Variants in SPOCK3 observed in about 807,000 individuals in gnomAD.
SPOCK3 encodes SPARC (osteonectin), cwcv and kazal like domains proteoglycan 3.
Under a neutral mutation model 56.6 loss-of-function variants are expected in SPOCK3, and 30 were observed. That is an observed-to-expected ratio of 0.53 (90% CI 0.40 to 0.72). The LOEUF (loss-of-function observed/expected upper bound fraction) is 0.72, where lower values mean the gene tolerates loss of function less well. Among genes scored for constraint, SPOCK3 ranks in the 30% least tolerant of loss-of-function variants. The pLI, the probability that SPOCK3 is intolerant of heterozygous loss-of-function variation, is 0.00. For synonymous variants in SPOCK3, 196 were observed against 183.3 expected, an observed-to-expected ratio of 1.07 and a Z score of -0.56; for missense variants, 527 against 530.0, an observed-to-expected ratio of 0.99 and a Z score of 0.06.
intron 8 of SPOCK3, among the ~76,000 whole-genome samples, chr4:166,744,880 G>A (rs1735369608): frequency 1.3e-5 from 2 of 151,934 alleles, no homozygotes; most frequent in South Asian, 2.1e-4. Flanking sequence ...TGGAAGAAAG[G>A]GTATCAGTGA....
intron 6 of SPOCK3, among the ~76,000 whole-genome samples, chr4:166,851,968 TA>T (rs1252027665): frequency 6.6e-6 from 1 of 151,544 alleles, no homozygotes; most frequent in Non-Finnish European, 1.5e-5. Context: ...TATGCAGCCA[TA>T]AAAAATGATG....
At chr4:166,782,812 A>G (rs1740319719) in intron 7 of SPOCK3, among the ~76,000 whole-genome samples, 1 of 152,202 alleles carries the variant, frequency 6.6e-6, no homozygotes, top group Admixed American at 6.5e-5. Flanking sequence ...TTTAAGTGCA[A>G]AAAATATATA....
intron 6 of SPOCK3, among the ~76,000 whole-genome samples, chr4:166,803,399 G>A (rs1742826369): frequency 1.3e-5 from 2 of 152,126 alleles, no homozygotes; most frequent in Admixed American, 6.6e-5. Context: ...GAGTCTCCGA[G>A]CAGGCATTTG....
chr4:167,134,357 T>G (rs1762945312), intron 2 of SPOCK3, among the ~76,000 whole-genome samples: 1 of 152,038 alleles, frequency 6.6e-6, no homozygotes, highest in African/African-American at 2.4e-5. Flanking sequence ...CACCTTTTAT[T>G]TAAATTTTCC....
At chr4:166,892,007 G>A (rs1269354052) in intron 5 of SPOCK3, among the ~76,000 whole-genome samples, 2 of 151,860 alleles carry the variant, frequency 1.3e-5, no homozygotes, top group Admixed American at 6.6e-5. Context: ...ATAAAAGCCT[G>A]GCTAATACTT....
intron 2 of SPOCK3, among the ~76,000 whole-genome samples, chr4:167,087,157 T>G (rs1758273583): frequency 6.6e-6 from 1 of 152,104 alleles, no homozygotes; most frequent in Non-Finnish European, 1.5e-5. Context: ...TAACTTAAAA[T>G]TTTTTACTCA....
chr4:167,024,897 T>C (rs186442006), intron 3 of SPOCK3, among the ~76,000 whole-genome samples: 198 of 152,164 alleles, frequency 1.3e-3, no homozygotes, highest in African/African-American at 4.5e-3. Context: ...TAAAAAATAT[T>C]GTATTTACTA....
At chr4:167,019,436 TATAC>T (rs1460864362) in intron 3 of SPOCK3, among the ~76,000 whole-genome samples, 1 of 151,856 alleles carries the variant, frequency 6.6e-6, no homozygotes, top group African/African-American at 2.4e-5. Flanking sequence ...ATATACGTGA[TATAC>T]ATAGAGTTAT....
chr4:167,034,551 T>C (rs1343759734), intron 3 of SPOCK3, among the ~76,000 whole-genome samples: 1 of 152,100 alleles, frequency 6.6e-6, no homozygotes, highest in Non-Finnish European at 1.5e-5. Context: ...ATGGGAATGA[T>C]TTCATTTTTA....
chr4:167,220,139 T>C (rs956538420), intron 2 of SPOCK3, among the ~76,000 whole-genome samples: 1 of 152,162 alleles, frequency 6.6e-6, no homozygotes, highest in Non-Finnish European at 1.5e-5. Flanking sequence ...GTATTACAAA[T>C]GATATGTATG....
At chr4:167,157,439 C>A (rs1340477920) in intron 2 of SPOCK3, among the ~76,000 whole-genome samples, 1 of 151,698 alleles carries the variant, frequency 6.6e-6, no homozygotes, top group African/African-American at 2.4e-5. Flanking sequence ...ATTTTCTTGA[C>A]CAACTATATA....
chr4:167,179,297 AC>A (rs1443358458), intron 2 of SPOCK3, among the ~76,000 whole-genome samples: 1 of 152,168 alleles, frequency 6.6e-6, no homozygotes, highest in Non-Finnish European at 1.5e-5. Context: ...TATGCTAGCC[AC>A]AGCCAATGAG....
At chr4:166,977,296 G>C (rs1040147425) in intron 4 of SPOCK3, among the ~76,000 whole-genome samples, 5 of 152,048 alleles carry the variant, frequency 3.3e-5, no homozygotes, top group Non-Finnish European at 2.9e-5. Context: ...TTGTTTTGTA[G>C]AGTCAATTAA....
chr4:166,873,500 G>A (rs1732718289), intron 6 of SPOCK3, among the ~76,000 whole-genome samples: 1 of 152,016 alleles, frequency 6.6e-6, no homozygotes, highest in Non-Finnish European at 1.5e-5. Flanking sequence ...ATACATGTGT[G>A]GATGTATGGG....
At chr4:167,157,930 T>C (rs905502300) in intron 2 of SPOCK3, among the ~76,000 whole-genome samples, 8 of 152,038 alleles carry the variant, frequency 5.3e-5, no homozygotes, top group African/African-American at 1.9e-4. Flanking sequence ...ATGCAAGTCA[T>C]TGTGGATTTT....
chr4:166,986,155 C>T (rs1225658136), intron 4 of SPOCK3, among the ~76,000 whole-genome samples: 1 of 152,116 alleles, frequency 6.6e-6, no homozygotes, highest in African/African-American at 2.4e-5. Context: ...TATCATGTTT[C>T]ACTTGTTGAA....
At chr4:166,872,843 CATCTGT>C in intron 6 of SPOCK3, among the ~76,000 whole-genome samples, 2 of 152,098 alleles carry the variant, frequency 1.3e-5, no homozygotes, top group Middle Eastern at 3.4e-3. Context: ...CAAAATTGGG[CATCTGT>C]ATCTGGTGAG....
At chr4:166,740,615 T>A (rs1332053634) in intron 9 of SPOCK3, among the ~76,000 whole-genome samples, 1 of 151,798 alleles carries the variant, frequency 6.6e-6, no homozygotes, top group Non-Finnish European at 1.5e-5. Flanking sequence ...AACATCTTCC[T>A]CCCCGGTTCA....
At chr4:166,995,471 C>A (rs1352444578) in intron 4 of SPOCK3, among the ~76,000 whole-genome samples, 1 of 151,996 alleles carries the variant, frequency 6.6e-6, no homozygotes, top group African/African-American at 2.4e-5. Flanking sequence ...CTATAAACAT[C>A]TGTTCATATA....
Sources: gnomAD v4.1 joint callset for allele counts (sites outside exome capture counted in the v4.1 genomes callset) on GRCh38, gnomAD v4.1.1 for gene constraint, MANE v1.5 for transcripts, NCBI Gene and HGNC (gene_info 2026-07-23, HGNC 2026-07-21) for gene names.